ZNF804A: variants seen among roughly 807,000 people sequenced by gnomAD.
ZNF804A encodes zinc finger protein 804A.
In ZNF804A, 2 loss-of-function variants were observed where a neutral mutation model predicts 16.5. That is an observed-to-expected ratio of 0.12 (90% CI 0.05 to 0.38). The LOEUF (loss-of-function observed/expected upper bound fraction) is 0.38, where lower values mean the gene tolerates loss of function less well. Ranked by LOEUF, ZNF804A falls within the 10% of genes least tolerant of loss-of-function variation. The probability of loss-of-function intolerance (pLI) is 0.99; values close to 1 mark genes in which losing one functional copy is unlikely to be tolerated. For synonymous variants in ZNF804A, 534 were observed against 489.6 expected (o/e 1.09, Z -1.20); for missense variants, 1,473 against 1,390.7 (o/e 1.06, Z -0.94).
intron 1 of ZNF804A, among the ~76,000 whole-genome samples, chr2:184,789,267 T>C (rs1484311694): frequency 6.6e-6 from 1 of 152,178 alleles, no homozygotes; most frequent in East Asian, 1.9e-4. Flanking sequence ...GCATCTGTGT[T>C]CATCAGTGAT....
At chr2:184,899,193 C>A (rs1369348387) in intron 2 of ZNF804A, among the ~76,000 whole-genome samples, 1 of 151,860 alleles carries the variant, frequency 6.6e-6, no homozygotes, top group Non-Finnish European at 1.5e-5. Flanking sequence ...TCTAACTTCT[C>A]AAAAGCCTAT....
intron 1 of ZNF804A, among the ~76,000 whole-genome samples, chr2:184,600,291 T>C (rs1056765200): frequency 1.3e-5 from 2 of 152,250 alleles, no homozygotes; most frequent in Non-Finnish European, 2.9e-5. Context: ...AAATTCTTGA[T>C]GCATTTAATT....
At position 184,872,380 on chromosome 2, in the gene ZNF804A, C is replaced by T. The variant is rs546470423; in HGVS notation, c.255+5868C>T. Among the ~76,000 whole-genome samples the T allele has an allele frequency of 7.9e-5, 12 of 152,104 alleles. No individual in the cohort carries two copies. In the East Asian group the frequency reaches 2.3e-3, roughly 29 times the overall value. ...CAAAATAGGGGTTAAAATGCAGAAA[C>T]AAAGCTATCATTATATTATTCACAG... On this transcript the variant is annotated intron_variant, in intron 2 of 3. Transcript: ENST00000302277.
chr2:184,871,176 G>C (rs1695967666), intron 2 of ZNF804A, among the ~76,000 whole-genome samples: 1 of 151,486 alleles, frequency 6.6e-6, no homozygotes, highest in Non-Finnish European at 1.5e-5. Context: ...TATCTCCAAA[G>C]AGCCCCTGCT....
intron 1 of ZNF804A, among the ~76,000 whole-genome samples, chr2:184,616,643 AG>A (rs1452698549): frequency 6.6e-6 from 1 of 152,160 alleles, no homozygotes; most frequent in Non-Finnish European, 1.5e-5. Context: ...AGGGAAATAA[AG>A]GTCAGGGAAT....
At chr2:184,885,303 C>T (rs34044253) in intron 2 of ZNF804A, among the ~76,000 whole-genome samples, 21,045 of 152,178 alleles carry the variant, frequency 0.14, 1,571 homozygotes, top group Middle Eastern at 0.24. Flanking sequence ...GAACTGAAAG[C>T]AGAATTAACC....
chr2:184,863,208 TATTTGGGTTTAA>T (rs1695825453), intron 1 of ZNF804A, among the ~76,000 whole-genome samples: 1 of 152,124 alleles, frequency 6.6e-6, no homozygotes, highest in Admixed American at 6.5e-5. Context: ...TGGACAAGAA[TATTTGGGTTTAA>T]ATATGGAGTG....
At chr2:184,918,870 T>A (rs960204121) in intron 2 of ZNF804A, among the ~76,000 whole-genome samples, 3 of 152,092 alleles carry the variant, frequency 2.0e-5, no homozygotes, top group African/African-American at 7.2e-5. Context: ...TTAAACTAAG[T>A]GTTTAGTGTA....
intron 1 of ZNF804A, among the ~76,000 whole-genome samples, chr2:184,784,343 CA>C (rs1214219363): frequency 1.3e-5 from 2 of 151,884 alleles, no homozygotes; most frequent in Non-Finnish European, 2.9e-5. Context: ...TAATACCTGC[CA>C]TCCCATATTT....
chr2:184,635,144 A>ATAC (rs1559113555), intron 1 of ZNF804A, among the ~76,000 whole-genome samples: 1 of 152,160 alleles, frequency 6.6e-6, no homozygotes, highest in East Asian at 1.9e-4. Context: ...TATGTAATTC[A>ATAC]TACTCTTATT....
intron 1 of ZNF804A, among the ~76,000 whole-genome samples, chr2:184,772,544 T>C (rs1375412051): frequency 6.6e-6 from 1 of 151,978 alleles, no homozygotes; most frequent in Non-Finnish European, 1.5e-5. Flanking sequence ...TTGGGGTGTT[T>C]CTACTTTTTA....
intron 1 of ZNF804A, among the ~76,000 whole-genome samples, chr2:184,713,732 A>G (rs929289149): frequency 6.6e-6 from 1 of 152,014 alleles, no homozygotes; most frequent in Non-Finnish European, 1.5e-5. Context: ...ATTTGTTTCT[A>G]AGATATTTCA....
chr2:184,785,453 TATC>T (rs530437200), intron 1 of ZNF804A, among the ~76,000 whole-genome samples: 49 of 151,986 alleles, frequency 3.2e-4, no homozygotes, highest in Non-Finnish European at 5.9e-4. Flanking sequence ...AAACCACCCT[TATC>T]ATCACACCGC....
chr2:184,814,229 T>C (rs1694943703), intron 1 of ZNF804A, among the ~76,000 whole-genome samples: 1 of 151,790 alleles, frequency 6.6e-6, no homozygotes, highest in Admixed American at 6.6e-5. Flanking sequence ...AAATGAATGG[T>C]TGATTGGAAA....
At chr2:184,700,005 T>C (rs1391456564) in intron 1 of ZNF804A, among the ~76,000 whole-genome samples, 2 of 152,184 alleles carry the variant, frequency 1.3e-5, no homozygotes, top group East Asian at 1.9e-4. Context: ...AGAAGAGATA[T>C]GTGGATCATG....
intron 1 of ZNF804A, among the ~76,000 whole-genome samples, chr2:184,806,079 CGG>C (rs1558966849): frequency 6.6e-6 from 1 of 151,788 alleles, no homozygotes; most frequent in African/African-American, 2.4e-5. Flanking sequence ...TTTGTTTCCC[CGG>C]GATATTTATA....
At chr2:184,654,450 A>G (rs1692042974) in intron 1 of ZNF804A, among the ~76,000 whole-genome samples, 1 of 152,090 alleles carries the variant, frequency 6.6e-6, no homozygotes, top group Non-Finnish European at 1.5e-5. Context: ...TGCAGAGGTT[A>G]TGGTTTGTTT....
chr2:184,938,208 G>A lies in ZNF804A; in HGVS notation c.2812G>A (p.Glu938Lys), dbSNP rs1465928740. The change falls in exon 4 of 4, where the codon GAA (glutamate) becomes AAA (lysine). Residue 938 changes from glutamate to lysine, a missense_variant. By Grantham distance (56) the Glu-to-Lys change is moderately conservative. Coordinates refer to ENST00000302277, the MANE Select transcript of ZNF804A (RefSeq NM_194250.2). ...AIDNTLLEHK[E>K]RSENINLNEK... ...TGACAATACCCTGCTTGAACACAAA[G>A]AAAGAAGTGAGAATATAAATCTTAA... 2 of 1,614,084 alleles carry A rather than the reference G, an allele frequency of 1.2e-6. No homozygotes were observed. The highest frequency in any genetic ancestry group is 1.7e-5 in the Admixed American group (1 of 59,996).
At chr2:184,784,062 G>T (rs544025260) in intron 1 of ZNF804A, among the ~76,000 whole-genome samples, 8 of 151,968 alleles carry the variant, frequency 5.3e-5, no homozygotes, top group African/African-American at 1.4e-4. Flanking sequence ...AAAACATCCA[G>T]TTTGGTTATC....
Sources: allele counts gnomAD v4.1 joint callset (sites outside exome capture counted in the v4.1 genomes callset), GRCh38; gene constraint gnomAD v4.1.1; transcripts MANE v1.5; gene names NCBI Gene and HGNC (gene_info 2026-07-23, HGNC 2026-07-21).